Variants in RIT2 observed in about 807,000 individuals in gnomAD.
The protein encoded by RIT2 is Ras like without CAAX 2.
Under a neutral mutation model 23.7 loss-of-function variants are expected in RIT2, and 24 were observed. The ratio of observed to expected loss-of-function variants is 1.01; its 90% confidence interval spans 0.73 to 1.43. RIT2 has a LOEUF of 1.43. Among genes scored for constraint, RIT2 ranks in the 40% most tolerant of loss-of-function variants. The pLI is 0.00. For synonymous variants in RIT2, 107 were observed against 91.1 expected, an observed-to-expected ratio of 1.17 and a Z score of -0.99; for missense variants, 236 against 266.9, an observed-to-expected ratio of 0.88 and a Z score of 0.81.
At chr18:43,018,092 T>C (rs1200649171) in intron 2 of RIT2, among the ~76,000 whole-genome samples, 1 of 152,050 alleles carries the variant, frequency 6.6e-6, no homozygotes, top group Non-Finnish European at 1.5e-5. Context: ...GGGCTCAAGG[T>C]CAAACAGCTT....
At chr18:42,872,088 A>G (rs1429157462) in intron 4 of RIT2, among the ~76,000 whole-genome samples, 1 of 152,092 alleles carries the variant, frequency 6.6e-6, no homozygotes, top group Admixed American at 6.6e-5. Flanking sequence ...ATTTCTCTAT[A>G]TGTGAATTTT....
At chr18:42,792,308 T>A (rs1304923171) in intron 4 of RIT2, among the ~76,000 whole-genome samples, 1 of 152,202 alleles carries the variant, frequency 6.6e-6, no homozygotes, top group African/African-American at 2.4e-5. Flanking sequence ...TGCATGGTAC[T>A]CATGACTTAA....
chr18:42,959,728 G>T (rs1218578288), intron 3 of RIT2, among the ~76,000 whole-genome samples: 1 of 152,134 alleles, frequency 6.6e-6, no homozygotes, highest in Admixed American at 6.5e-5. Context: ...TAATTTAATT[G>T]CACTATGAAC....
intron 4 of RIT2, among the ~76,000 whole-genome samples, chr18:42,915,114 G>T (rs1908871465): frequency 6.7e-6 from 1 of 150,038 alleles, no homozygotes; most frequent in African/African-American, 2.5e-5. Flanking sequence ...GTATTGTCTT[G>T]AATTATCTAA....
chr18:43,008,224 T>C (rs1233828201), intron 2 of RIT2, among the ~76,000 whole-genome samples: 1 of 151,586 alleles, frequency 6.6e-6, no homozygotes, highest in Non-Finnish European at 1.5e-5. Context: ...TCAAAAACAA[T>C]ACATGTAATT....
At chr18:42,840,751 T>C (rs540238871) in intron 4 of RIT2, among the ~76,000 whole-genome samples, 2 of 152,324 alleles carry the variant, frequency 1.3e-5, no homozygotes, top group African/African-American at 4.8e-5. Flanking sequence ...TCCACCCGCC[T>C]TGGCCTCCCA....
chr18:42,979,541 G>T (rs1910548415), intron 2 of RIT2, among the ~76,000 whole-genome samples: 1 of 152,048 alleles, frequency 6.6e-6, no homozygotes, highest in Admixed American at 6.6e-5. Flanking sequence ...CAATTTATAA[G>T]ATCTTTCTCA....
chr18:43,100,088 T>C (rs9944862), intron 1 of RIT2, among the ~76,000 whole-genome samples: 22,955 of 152,048 alleles, frequency 0.15, 1,912 homozygotes, highest in Non-Finnish European at 0.18. Context: ...AGTTATTACA[T>C]TGGAAAGCAA....
chr18:43,042,467 T>C (rs975068788), intron 1 of RIT2, among the ~76,000 whole-genome samples: 1 of 152,204 alleles, frequency 6.6e-6, no homozygotes, highest in African/African-American at 2.4e-5. Context: ...GGAGAGTCTT[T>C]GTTGGTGCTT....
chr18:42,837,384 G>C (rs1351758223), intron 4 of RIT2, among the ~76,000 whole-genome samples: 2 of 151,404 alleles, frequency 1.3e-5, no homozygotes, highest in Non-Finnish European at 2.9e-5. Context: ...AGCCAGGATG[G>C]TCTCGATCTC....
At position 42,981,467 on chromosome 18, in the gene RIT2, C is replaced by T. The variant is rs114087752; in HGVS notation, c.161-7320G>A. Among the ~76,000 whole-genome samples, 1,325 of 152,186 alleles carry T rather than the reference C, an allele frequency of 8.7e-3. 16 individuals carry two copies. The highest frequency in any genetic ancestry group is 0.03 in the African/African-American group (1,255 of 41,522). Reference sequence around the variant, plus strand: ...GCCCATTGAGAAACTATGAGAATATCTAGCGACAAAGGTCTGATTTATACT... The same window carrying T: ...GCCCATTGAGAAACTATGAGAATATTTAGCGACAAAGGTCTGATTTATACT... On this transcript the variant is annotated intron_variant, in intron 2 of 4. Coordinates refer to ENST00000326695, the MANE Select transcript of RIT2 (RefSeq NM_002930.4).
chr18:43,045,258 G>A (rs1912219871), intron 1 of RIT2, among the ~76,000 whole-genome samples: 1 of 152,114 alleles, frequency 6.6e-6, no homozygotes, highest in African/African-American at 2.4e-5. Context: ...ACATGAATGG[G>A]TGGTAGTAAC....
At chr18:42,876,171 T>A (rs977180379) in intron 4 of RIT2, among the ~76,000 whole-genome samples, 8 of 152,004 alleles carry the variant, frequency 5.3e-5, no homozygotes, top group Admixed American at 4.6e-4. Context: ...TTCAGCACTC[T>A]AACTTTTAGT....
At chr18:43,058,174 T>C (rs1341012170) in intron 1 of RIT2, among the ~76,000 whole-genome samples, 1 of 152,126 alleles carries the variant, frequency 6.6e-6, no homozygotes, top group Non-Finnish European at 1.5e-5. Flanking sequence ...TTGATAGTAA[T>C]GTTGATGTGT....
chr18:42,809,863 T>C (rs1905788498), intron 4 of RIT2, among the ~76,000 whole-genome samples: 1 of 127,462 alleles, frequency 7.8e-6, no homozygotes, highest in Non-Finnish European at 1.5e-5. Flanking sequence ...ATATATTATA[T>C]ATAATATATA....
chr18:43,088,769 A>C (rs1401657251), intron 1 of RIT2, among the ~76,000 whole-genome samples: 1 of 152,082 alleles, frequency 6.6e-6, no homozygotes, highest in Non-Finnish European at 1.5e-5. Context: ...GAATTAACTG[A>C]ATCCATAGCT....
chr18:42,978,141 G>T (rs534343433), intron 2 of RIT2, among the ~76,000 whole-genome samples: 1 of 152,044 alleles, frequency 6.6e-6, no homozygotes, highest in South Asian at 2.1e-4. Context: ...GGGGCACGCT[G>T]AGTAATCTAG....
At chr18:42,954,719 T>C (rs960989870) in intron 3 of RIT2, among the ~76,000 whole-genome samples, 4 of 152,150 alleles carry the variant, frequency 2.6e-5, no homozygotes, top group African/African-American at 9.7e-5. Context: ...AACGTAGCCT[T>C]CAGATGATTT....
At chr18:43,007,642 T>C (rs1598746201) in intron 2 of RIT2, among the ~76,000 whole-genome samples, 2 of 151,670 alleles carry the variant, frequency 1.3e-5, no homozygotes, top group East Asian at 1.9e-4. Context: ...AAATTGCTAC[T>C]GGCAAAAGAT....
Sources: allele counts gnomAD v4.1 joint callset (sites outside exome capture counted in the v4.1 genomes callset), GRCh38; gene constraint gnomAD v4.1.1; transcripts MANE v1.5; gene names NCBI Gene and HGNC (gene_info 2026-07-23, HGNC 2026-07-21).